The following FGF14 variants were observed in gnomAD, a reference collection of about 807,000 sequenced individuals.
FGF14 encodes the protein fibroblast growth factor homologous factor 4.
A neutral mutation model predicts 25.5 loss-of-function variants in FGF14; 5 were observed. The observed-to-expected ratio is 0.20, with a 90% CI of 0.10 to 0.41. The LOEUF (loss-of-function observed/expected upper bound fraction) is 0.41, where lower values mean the gene tolerates loss of function less well. Among genes scored for constraint, FGF14 ranks in the 10% least tolerant of loss-of-function variants. The pLI, the probability that FGF14 is intolerant of heterozygous loss-of-function variation, is 1.00. For missense variants in FGF14, 222 were observed against 320.1 expected, an observed-to-expected ratio of 0.69 and a Z score of 2.34; for synonymous variants, 138 against 118.3, an observed-to-expected ratio of 1.17 and a Z score of -1.08.
At chr13:102,247,319 T>C (rs1311724893) in intron 1 of FGF14, among the ~76,000 whole-genome samples, 2 of 151,234 alleles carry the variant, frequency 1.3e-5, no homozygotes, top group African/African-American at 2.4e-5. Context: ...TGGGAGAAAA[T>C]ATTTGCAAAT....
intron 1 of FGF14, among the ~76,000 whole-genome samples, chr13:102,352,496 A>G (rs556103407): frequency 6.6e-6 from 1 of 152,274 alleles, no homozygotes; most frequent in East Asian, 1.9e-4. Context: ...CAGCAATTAC[A>G]TAAACTAGGG....
intron 1 of FGF14, among the ~76,000 whole-genome samples, chr13:102,132,260 C>A (rs936289987): frequency 6.6e-6 from 1 of 152,128 alleles, no homozygotes; most frequent in African/African-American, 2.4e-5. Context: ...GGAGATCTTA[C>A]ACACATAACA....
At chr13:101,960,147 T>C (rs11838985) in intron 1 of FGF14, among the ~76,000 whole-genome samples, 1 of 152,260 alleles carries the variant, frequency 6.6e-6, no homozygotes, top group Non-Finnish European at 1.5e-5. Context: ...AAAAGTGGTA[T>C]TAAGCATATA....
At chr13:101,934,959 C>T (rs2035005222) in intron 1 of FGF14, among the ~76,000 whole-genome samples, 1 of 152,096 alleles carries the variant, frequency 6.6e-6, no homozygotes, top group South Asian at 2.1e-4. Context: ...GTGTTGTTAT[C>T]TACAGACACG....
intron 1 of FGF14, among the ~76,000 whole-genome samples, chr13:102,099,027 A>G (rs1299545999): frequency 1.3e-5 from 2 of 152,186 alleles, no homozygotes; most frequent in African/African-American, 4.8e-5. Flanking sequence ...CTCTAGAAAA[A>G]GAAAAGGATA....
At chr13:101,896,508 G>A (rs1028445907) in intron 1 of FGF14, among the ~76,000 whole-genome samples, 2 of 152,060 alleles carry the variant, frequency 1.3e-5, no homozygotes, top group South Asian at 2.1e-4. Flanking sequence ...CTCCAACTCC[G>A]CAATGGAGAA....
intron 1 of FGF14, among the ~76,000 whole-genome samples, chr13:102,180,524 G>A (rs1408713094): frequency 6.6e-6 from 1 of 152,060 alleles, no homozygotes; most frequent in African/African-American, 2.4e-5. Context: ...TGTTGGCCAG[G>A]CTGGTTTTGA....
chr13:102,372,404 G>A (rs1208026960), intron 1 of FGF14, among the ~76,000 whole-genome samples: 1 of 152,000 alleles, frequency 6.6e-6, no homozygotes, highest in African/African-American at 2.4e-5. Context: ...AATTTAAATG[G>A]CTGTCCTTTA....
intron 1 of FGF14, among the ~76,000 whole-genome samples, chr13:102,183,186 T>G (rs2048743442): frequency 6.6e-6 from 1 of 152,090 alleles, no homozygotes; most frequent in African/African-American, 2.4e-5. Context: ...AAATAAATAT[T>G]TGCCTATAAA....
At chr13:102,351,866 T>C (rs112014261) in intron 1 of FGF14, among the ~76,000 whole-genome samples, 3,102 of 152,306 alleles carry the variant, frequency 0.02, 52 homozygotes, top group Non-Finnish European at 0.031. Flanking sequence ...CTTTTTTCTT[T>C]TTTTTCTATT....
intron 1 of FGF14, among the ~76,000 whole-genome samples, chr13:102,214,075 C>T (rs2050268412): frequency 6.6e-6 from 1 of 152,212 alleles, no homozygotes; most frequent in Admixed American, 6.5e-5. Context: ...CGAGTCCCTC[C>T]GCTGCAGCAC....
intron 3 of FGF14, among the ~76,000 whole-genome samples, chr13:101,756,337 G>A (rs1330489929): frequency 1.3e-5 from 2 of 152,166 alleles, no homozygotes; most frequent in Admixed American, 6.5e-5. Flanking sequence ...AAAGTCATTT[G>A]TACCTGAGAA....
At chr13:101,752,613 A>G (rs1324900471) in intron 3 of FGF14, among the ~76,000 whole-genome samples, 1 of 152,196 alleles carries the variant, frequency 6.6e-6, no homozygotes, top group Non-Finnish European at 1.5e-5. Context: ...GCATTGGCTT[A>G]CGCAGTGGAA....
intron 1 of FGF14, among the ~76,000 whole-genome samples, chr13:102,174,508 A>T (rs539251940): frequency 6.6e-6 from 1 of 151,848 alleles, no homozygotes; most frequent in African/African-American, 2.4e-5. Context: ...CTGAGAACCA[A>T]ATCAAAAACT....
intron 3 of FGF14, among the ~76,000 whole-genome samples, chr13:101,824,966 G>A (rs755433939): frequency 2.0e-5 from 3 of 152,210 alleles, no homozygotes; most frequent in Non-Finnish European, 2.9e-5. Flanking sequence ...GCACTTGGAT[G>A]CCTTCTGAAC....
chr13:102,059,831 A>C (rs1337386106), intron 1 of FGF14, among the ~76,000 whole-genome samples: 1 of 152,016 alleles, frequency 6.6e-6, no homozygotes, highest in Non-Finnish European at 1.5e-5. Context: ...AGCCTGGGTG[A>C]CAGAGCGAGA....
intron 1 of FGF14, among the ~76,000 whole-genome samples, chr13:102,381,034 C>T (rs1354847437): frequency 6.6e-6 from 1 of 152,148 alleles, no homozygotes; most frequent in Non-Finnish European, 1.5e-5. Flanking sequence ...TATTAGCCTA[C>T]AGTTGGGCAA....
chr13:102,220,089 A>G (rs1164159078), intron 1 of FGF14, among the ~76,000 whole-genome samples: 1 of 152,126 alleles, frequency 6.6e-6, no homozygotes, highest in Admixed American at 6.5e-5. Context: ...TTTCCCTTCC[A>G]TAAAAGCTAA....
chr13:101,902,075 A>G (rs1158714313), intron 1 of FGF14, among the ~76,000 whole-genome samples: 1 of 152,164 alleles, frequency 6.6e-6, no homozygotes, highest in African/African-American at 2.4e-5. Context: ...ACTTGAAACC[A>G]TAGGAATATC....
Sources: gnomAD v4.1 joint callset for allele counts (sites outside exome capture counted in the v4.1 genomes callset) on GRCh38, gnomAD v4.1.1 for gene constraint, MANE v1.5 for transcripts, NCBI Gene and HGNC (gene_info 2026-07-23, HGNC 2026-07-21) for gene names.